Variants in PLPP1 observed in about 807,000 individuals in gnomAD.
PLPP1 encodes the protein phospholipid phosphatase 1, also known as lipid phosphate phosphohydrolase 1a.
A neutral mutation model predicts 31.2 loss-of-function variants in PLPP1; 24 were observed. The ratio of observed to expected loss-of-function variants is 0.77; its 90% confidence interval spans 0.56 to 1.08. PLPP1 has a LOEUF of 1.08. Among genes scored for constraint, PLPP1 ranks in the 50% least tolerant of loss-of-function variants. The pLI, the probability that PLPP1 is intolerant of heterozygous loss-of-function variation, is 0.00. For synonymous variants in PLPP1, 146 were observed against 126.3 expected (o/e 1.16, Z -1.05); for missense variants, 319 against 342.7 (o/e 0.93, Z 0.55).
intron 1 of PLPP1, among the ~76,000 whole-genome samples, chr5:55,493,863 G>C (rs780852729): frequency 6.8e-6 from 1 of 147,994 alleles, no homozygotes; most frequent in African/African-American, 2.5e-5. Flanking sequence ...CTGGGCGACA[G>C]AGCGAGACTC....
rs140514019 is a variant in PLPP1, at chr5:55,491,079, T to C, written c.59-15629A>G. The C allele has an allele frequency of 5.0e-6, 8 of 1,613,870 alleles. No homozygotes were observed. The East Asian group carries it at 1.3e-4, about 27-fold the overall frequency. On this transcript the variant is annotated intron_variant, in intron 1 of 5. Coordinates refer to ENST00000307259, the MANE Select transcript of PLPP1 (RefSeq NM_003711.4). ...AAAAAGCCTCTCTGAAATGGATATA[T>C]TTGGCCCAATTTTAGAACAGCCATA...
intron 3 of PLPP1, among the ~76,000 whole-genome samples, chr5:55,461,186 C>A (rs1229825662): frequency 1.3e-5 from 2 of 151,996 alleles, no homozygotes; most frequent in Non-Finnish European, 2.9e-5. Flanking sequence ...CAAAGTGAGA[C>A]CCTGTCTCAG....
At chr5:55,438,624 A>G (rs1451509047) in intron 4 of PLPP1, among the ~76,000 whole-genome samples, 6 of 152,180 alleles carry the variant, frequency 3.9e-5, no homozygotes, top group East Asian at 1.9e-4. Flanking sequence ...TACATAGGCC[A>G]GGCGCGGTGG....
At chr5:55,488,094 A>T (rs1397821771) in intron 1 of PLPP1, among the ~76,000 whole-genome samples, 1 of 152,004 alleles carries the variant, frequency 6.6e-6, no homozygotes, top group African/African-American at 2.4e-5. Flanking sequence ...ATAAATAAAT[A>T]ATTGGCATTA....
chr5:55,425,598 C>T, intron 5 of PLPP1: 1 of 440,994 alleles, frequency 2.3e-6, no homozygotes, highest in South Asian at 6.1e-5. Context: ...TTAGTTTTTT[C>T]AAGTCATAAT....
intron 1 of PLPP1, among the ~76,000 whole-genome samples, chr5:55,481,739 C>A (rs906484613): frequency 6.6e-6 from 1 of 152,042 alleles, no homozygotes; most frequent in African/African-American, 2.4e-5. Context: ...CCTGAAGAAC[C>A]CAGACATATA....
chr5:55,447,791 T>C (rs745335080), intron 3 of PLPP1, among the ~76,000 whole-genome samples: 7 of 152,234 alleles, frequency 4.6e-5, no homozygotes, highest in Non-Finnish European at 8.8e-5. Context: ...GAAATAGATG[T>C]TGTCAATGTA....
chr5:55,446,901 T>C (rs1324669054), intron 3 of PLPP1, among the ~76,000 whole-genome samples: 2 of 152,212 alleles, frequency 1.3e-5, no homozygotes, highest in East Asian at 1.9e-4. Flanking sequence ...CTGTGCCCCA[T>C]GTTCACTGCC....
intron 1 of PLPP1, among the ~76,000 whole-genome samples, chr5:55,509,447 G>T (rs1455773228): frequency 6.6e-6 from 1 of 152,200 alleles, no homozygotes; most frequent in East Asian, 1.9e-4. Flanking sequence ...CCATCTCTCT[G>T]TGGCTGACAT....
At chr5:55,502,765 A>G (rs1442337383) in intron 1 of PLPP1, among the ~76,000 whole-genome samples, 1 of 152,200 alleles carries the variant, frequency 6.6e-6, no homozygotes, top group Non-Finnish European at 1.5e-5. Context: ...CCAGAAACAT[A>G]AGAGGGAATA....
chr5:55,437,724 G>A (rs1421273898), intron 4 of PLPP1, among the ~76,000 whole-genome samples: 2 of 152,126 alleles, frequency 1.3e-5, no homozygotes, highest in Non-Finnish European at 2.9e-5. Context: ...TCTTCTTTGG[G>A]TTTTAATTTC....
chr5:55,501,752 C>G (rs1037825887), intron 1 of PLPP1, among the ~76,000 whole-genome samples: 9 of 152,328 alleles, frequency 5.9e-5, no homozygotes, highest in African/African-American at 1.4e-4. Context: ...GATCCACCCC[C>G]CTCAGCCTCC....
chr5:55,474,444 A>G (rs762131812), intron 2 of PLPP1, among the ~76,000 whole-genome samples: 3 of 152,248 alleles, frequency 2.0e-5, no homozygotes. Context: ...AGATTATAAA[A>G]ATCATGTAGT....
intron 4 of PLPP1, among the ~76,000 whole-genome samples, chr5:55,428,937 A>G (rs1418716726): frequency 6.6e-6 from 1 of 152,038 alleles, no homozygotes; most frequent in Non-Finnish European, 1.5e-5. Flanking sequence ...ATTACTTTTA[A>G]TTCCCCTTCT....
intron 1 of PLPP1, among the ~76,000 whole-genome samples, chr5:55,488,377 G>C (rs1365603993): frequency 6.6e-6 from 1 of 151,994 alleles, no homozygotes; most frequent in African/African-American, 2.4e-5. Context: ...TGGGTGTGGT[G>C]GCTCATGCCT....
rs775212386 is a variant in PLPP1 at position 55,441,926 on chromosome 5, C to T, written c.492-18G>A. 9 of 1,609,782 alleles carry T rather than the reference C, an allele frequency of 5.6e-6. No individual in the cohort carries two copies. Among genetic ancestry groups the T allele is most frequent in the Non-Finnish European group, 7.7e-6 (9 of 1,176,062 alleles). Reference sequence around the variant, plus strand: ...AGGACAACCTGGAAGAAAAAGAAGACAAATGTTACTTTTCTCTCTTAGGAG... The same window carrying T: ...AGGACAACCTGGAAGAAAAAGAAGATAAATGTTACTTTTCTCTCTTAGGAG... On this transcript the variant is annotated intron_variant, in intron 3 of 5. Transcript: ENST00000307259.
chr5:55,468,014 T>A lies in PLPP1; in HGVS notation c.346A>T (p.Thr116Ser). The stretch of plus-strand genomic sequence containing the variant: ...CCTATTGAATACTTGGCAATGTCAG[T>A]CAGGGACTGACTAGCAGCTGCACCA... ...LFGAAASQSL[T>S]DIAKYSIGRL... Residue 116 changes from threonine (T) to serine (S), a missense_variant, in exon 3 of 6, where the codon ACT becomes TCT. By Grantham distance (58) the Thr-to-Ser change is moderately conservative (BLOSUM62 1). Coordinates refer to ENST00000307259, the MANE Select transcript of PLPP1 (RefSeq NM_003711.4). 6.2e-7 allele frequency: 1 copy of A among 1,614,202 alleles called. No homozygotes were observed. The highest frequency in any genetic ancestry group is 8.5e-7 in the Non-Finnish European group (1 of 1,180,018).
At chr5:55,505,971 C>A (rs967021920) in intron 1 of PLPP1, among the ~76,000 whole-genome samples, 5 of 152,266 alleles carry the variant, frequency 3.3e-5, no homozygotes, top group African/African-American at 1.2e-4. Flanking sequence ...GCAGGAGAAT[C>A]GCTTGAACCT....
At chr5:55,450,301 G>A (rs1295775434) in intron 3 of PLPP1, among the ~76,000 whole-genome samples, 1 of 152,162 alleles carries the variant, frequency 6.6e-6, no homozygotes, top group Non-Finnish European at 1.5e-5. Flanking sequence ...CCTTAAAGGA[G>A]AGAAACTAGC....
Sources: gnomAD v4.1 joint callset for allele counts (sites outside exome capture counted in the v4.1 genomes callset) on GRCh38, gnomAD v4.1.1 for gene constraint, MANE v1.5 for transcripts, NCBI Gene and HGNC (gene_info 2026-07-23, HGNC 2026-07-21) for gene names.